Variants in HS6ST1 observed in about 807,000 individuals in gnomAD.
HS6ST1 encodes heparan sulfate 6-O-sulfotransferase 1, also known as heparan-sulfate 6-O-sulfotransferase 1.
A neutral mutation model predicts 25.2 loss-of-function variants in HS6ST1; 3 were observed. The observed-to-expected ratio is 0.12, with a 90% CI of 0.05 to 0.31. The LOEUF (loss-of-function observed/expected upper bound fraction) is 0.31, where lower values mean the gene tolerates loss of function less well. Ranked by LOEUF, HS6ST1 falls within the 10% of genes least tolerant of loss-of-function variation. The pLI is 1.00. For synonymous variants in HS6ST1, 204 were observed against 275.1 expected (o/e 0.74, Z 2.56); for missense variants, 310 against 609.6 (o/e 0.51, Z 5.18).
intron 1 of HS6ST1, among the ~76,000 whole-genome samples, chr2:128,284,950 T>C (rs1257630472): frequency 3.3e-5 from 5 of 152,156 alleles, no homozygotes; most frequent in Non-Finnish European, 7.3e-5. Flanking sequence ...CTGCCAGTGC[T>C]CCTCCTTGGA....
Position 128,280,401 on chromosome 2 carries a change from GGA to G in HS6ST1, c.528-11533_528-11532del, listed in dbSNP as rs540562890. Among the ~76,000 whole-genome samples the G allele has an allele frequency of 1.1e-3, 160 of 152,336 alleles. 1 individual carries two copies. In the Middle Eastern group the frequency reaches 0.017, roughly 16 times the overall value. On this transcript the variant is annotated intron_variant, in intron 1 of 1. Coordinates refer to ENST00000259241, the MANE Select transcript of HS6ST1 (RefSeq NM_004807.3). ...GCAGGTCCAGGAGGGCAGGGGATTG[GGA>G]GACAGCCCAGAGGAGACGACCCGCT...
rs144097262 is a variant in HS6ST1 at position 128,288,334 on chromosome 2, T to C, written c.528-19464A>G. Among the ~76,000 whole-genome samples the C allele has an allele frequency of 2.0e-4, 30 of 152,202 alleles. No homozygotes were observed. The East Asian group carries it at 5.6e-3, about 29-fold the overall frequency. On this transcript the variant is annotated intron_variant, in intron 1 of 1. Transcript: ENST00000259241. ...GTCCTGCCGGGGTGTGCAGTATTTGTACCCTGCTATGAAACTGTCCCTGCC... is the reference window on the plus strand; with the variant it reads ...GTCCTGCCGGGGTGTGCAGTATTTGCACCCTGCTATGAAACTGTCCCTGCC...
chr2:128,294,713 T>TGTGTGTGTGC (rs897172094), intron 1 of HS6ST1, among the ~76,000 whole-genome samples: 5 of 128,150 alleles, frequency 3.9e-5, no homozygotes, highest in African/African-American at 1.6e-4. Context: ...TGTGTGTGTG[T>TGTGTGTGTGC]GTGGAGGGGG....
chr2:128,297,774 C>T (rs764438974), intron 1 of HS6ST1, among the ~76,000 whole-genome samples: 11 of 152,134 alleles, frequency 7.2e-5, no homozygotes, highest in East Asian at 1.9e-4. Context: ...GCAGAGGTTG[C>T]GGTGAGCCGA....
intron 1 of HS6ST1, among the ~76,000 whole-genome samples, chr2:128,276,709 G>A (rs1341015264): frequency 1.3e-5 from 2 of 152,116 alleles, no homozygotes; most frequent in Non-Finnish European, 2.9e-5. Flanking sequence ...AGCCTGAGAG[G>A]CCCAGCTGGC....
intron 1 of HS6ST1, among the ~76,000 whole-genome samples, chr2:128,277,309 A>G: frequency 6.6e-6 from 1 of 152,166 alleles, no homozygotes; most frequent in African/African-American, 2.4e-5. Flanking sequence ...TGGCCCCCAC[A>G]GCACCCTGAC....
Position 128,318,062 on chromosome 2 carries a change from C to T in HS6ST1, c.502G>A (p.Asp168Asn). 5.3e-6 allele frequency: 8 copies of T among 1,522,486 alleles called. No homozygotes were observed. The highest frequency in any genetic ancestry group is 7.0e-6 in the Non-Finnish European group (8 of 1,139,716). The allele number at this position is 1,522,486 out of a possible 1,614,324, so 94.3% of individuals were successfully genotyped here. A position where few individuals can be genotyped will look rare whatever the true frequency, so the allele number is the denominator to read the frequency against. Residue 168 changes from aspartate to asparagine, a missense_variant, in exon 1 of 2, where the codon GAC becomes AAC. Around this residue, in one of 5 missense-constraint regions of HS6ST1, gnomAD observed 98 missense variants for 270.3 expected, o/e 0.36. Transcript: ENST00000259241. The surrounding 1 kb of genome is among the most constrained non-coding windows in gnomAD (Gnocchi z 5.7). ...NCVPGVLDRR[D>N]SAALRTPRKF... is the part of the protein sequence containing the mutation. The stretch of plus-strand genomic sequence containing the variant: ...CTGGGCGTGCGCAGCGCGGCGGAGT[C>T]GCGGCGGTCCAGCACGCCGGGCACG...
At chr2:128,269,054 G>A (rs544963754) in intron 1 of HS6ST1, among the ~76,000 whole-genome samples, 184 bp from the exon 2 acceptor site, 16 of 152,342 alleles carry the variant, frequency 1.1e-4, no homozygotes, top group Non-Finnish European at 1.3e-4. Context: ...AGCATGCCAC[G>A]GTCACATGGC....
At chr2:128,301,932 C>G (rs1173025577) in intron 1 of HS6ST1, among the ~76,000 whole-genome samples, 2 of 152,196 alleles carry the variant, frequency 1.3e-5, no homozygotes, top group Admixed American at 6.5e-5. Context: ...GGGAACAGCT[C>G]AGAGGCTCCA....
intron 1 of HS6ST1, among the ~76,000 whole-genome samples, chr2:128,271,877 G>A (rs767585672): frequency 5.9e-5 from 9 of 152,198 alleles, no homozygotes; most frequent in Non-Finnish European, 1.2e-4. Context: ...AAGCTCGAGC[G>A]GCTGCCACTA....
chr2:128,307,628 G>C (rs1436888468), intron 1 of HS6ST1, among the ~76,000 whole-genome samples: 1 of 152,240 alleles, frequency 6.6e-6, no homozygotes, highest in African/African-American at 2.4e-5. Flanking sequence ...GACGTGAACA[G>C]GTCGGTGGAA....
chr2:128,313,737 A>G (rs987304886), intron 1 of HS6ST1, among the ~76,000 whole-genome samples: 1 of 152,074 alleles, frequency 6.6e-6, no homozygotes, highest in Non-Finnish European at 1.5e-5. Flanking sequence ...CAAGGTGGGC[A>G]CTGCACTCTC....
chr2:128,266,754 C>T lies in HS6ST1; in HGVS notation c.*1408G>A, dbSNP rs1693521276. The T allele has an allele frequency of 1.3e-5, 2 of 152,356 alleles. No individual in the cohort carries two copies. Among genetic ancestry groups the T allele is most frequent in the African/African-American group, 2.4e-5 (1 of 41,432 alleles). The allele number at this position is 152,356 out of a possible 1,614,324, so 9.4% of individuals were successfully genotyped here. A position where few individuals can be genotyped will look rare whatever the true frequency, so the allele number is the denominator to read the frequency against. The stretch of plus-strand genomic sequence containing the variant: ...ACACCAATCTACTCTCTGGGGGATC[C>T]AGGGTGCCTGTGTGGGCCCTCCTAG... On this transcript the variant is annotated 3_prime_UTR_variant, in exon 2 of 2. Coordinates refer to ENST00000259241, the MANE Select transcript of HS6ST1 (RefSeq NM_004807.3).
At chr2:128,279,321 T>C (rs944960236) in intron 1 of HS6ST1, among the ~76,000 whole-genome samples, 1 of 146,370 alleles carries the variant, frequency 6.8e-6, no homozygotes, top group African/African-American at 2.6e-5. Context: ...AGAGTCAGAA[T>C]GACAGAACCT....
intron 1 of HS6ST1, among the ~76,000 whole-genome samples, chr2:128,301,564 C>T (rs548538632): frequency 1.5e-4 from 23 of 152,298 alleles, no homozygotes; most frequent in Non-Finnish European, 2.8e-4. Context: ...CAAGTGCCAA[C>T]CACTTGTAAG....
chr2:128,281,759 G>A (rs1693793760), intron 1 of HS6ST1, among the ~76,000 whole-genome samples: 1 of 152,256 alleles, frequency 6.6e-6, no homozygotes, highest in South Asian at 2.1e-4. Context: ...TGAGATGACA[G>A]GGTGGGCTCC....
chr2:128,268,130 C>T lies in HS6ST1; in HGVS notation c.*32G>A, dbSNP rs1255060940. The T allele has an allele frequency of 7.9e-6, 12 of 1,511,496 alleles. No homozygotes were observed. Among genetic ancestry groups the T allele is most frequent in the Admixed American group, 1.9e-5 (1 of 53,856 alleles). 93.6% of individuals were successfully genotyped at this position (1,511,496 alleles called of 1,614,324 possible). A position where few individuals can be genotyped will look rare whatever the true frequency, so the allele number is the denominator to read the frequency against. On this transcript the variant is annotated 3_prime_UTR_variant, in exon 2 of 2. Coordinates refer to ENST00000259241, the MANE Select transcript of HS6ST1 (RefSeq NM_004807.3). ...CTGTCCTGTTTTATCCCCCACACCC[C>T]CCAAGAGGCCTCCCCGTGGCCACCA...
chr2:128,271,571 G>C (rs1367356507), intron 1 of HS6ST1, among the ~76,000 whole-genome samples: 2 of 152,206 alleles, frequency 1.3e-5, no homozygotes, highest in Non-Finnish European at 2.9e-5. Flanking sequence ...ACAAAGCGGG[G>C]AGCTCGTGGC....
chr2:128,293,542 G>C (rs1693991794), intron 1 of HS6ST1, among the ~76,000 whole-genome samples: 2 of 152,238 alleles, frequency 1.3e-5, no homozygotes, highest in Admixed American at 1.3e-4. Context: ...AAGGAGAGCA[G>C]CAGCAGACCA....
Sources: gnomAD v4.1 joint callset for allele counts (sites outside exome capture counted in the v4.1 genomes callset) on GRCh38, gnomAD v4.1.1 for gene constraint, gnomAD v4.1.1 regional missense constraint, Gnocchi (gnomAD v3.1) non-coding constraint, MANE v1.5 for transcripts, NCBI Gene and HGNC (gene_info 2026-07-23, HGNC 2026-07-21) for gene names.